The following PLXNA2 variants were observed in gnomAD, a reference collection of about 807,000 sequenced individuals.
PLXNA2 encodes plexin A2.
In PLXNA2, 91 loss-of-function variants were observed where a neutral mutation model predicts 193.5. That is an observed-to-expected ratio of 0.47 (90% CI 0.40 to 0.56). The LOEUF (loss-of-function observed/expected upper bound fraction) is 0.56, where lower values mean the gene tolerates loss of function less well. Ranked by LOEUF, PLXNA2 falls within the 20% of genes least tolerant of loss-of-function variation. The probability of loss-of-function intolerance (pLI) is 0.00; values close to 1 mark genes in which losing one functional copy is unlikely to be tolerated. For missense variants in PLXNA2, 1,995 were observed against 2,503.2 expected (o/e 0.80, Z 4.33); for synonymous variants, 997 against 1,027.3 (o/e 0.97, Z 0.56).
intron 17 of PLXNA2, among the ~76,000 whole-genome samples, chr1:208,047,004 A>T (rs1482987425): frequency 6.6e-6 from 1 of 152,128 alleles, no homozygotes; most frequent in Non-Finnish European, 1.5e-5. Flanking sequence ...TCTGTTGCCC[A>T]GGCTGGAGTG....
At chr1:208,098,687 C>T (rs562384617) in intron 6 of PLXNA2, among the ~76,000 whole-genome samples, 159 bp downstream of exon 6, 31 of 152,300 alleles carry the variant, frequency 2.0e-4, no homozygotes, top group Non-Finnish European at 3.5e-4. Flanking sequence ...ATGCCCTTTA[C>T]AATAGGCATT....
intron 4 of PLXNA2, among the ~76,000 whole-genome samples, chr1:208,120,247 A>C (rs1274530521): frequency 2.4e-4 from 37 of 152,216 alleles, no homozygotes. Context: ...AGCATAACAA[A>C]GATGTGAAAA....
At chr1:208,166,991 A>AG (rs1349503472) in intron 3 of PLXNA2, among the ~76,000 whole-genome samples, 1 of 152,144 alleles carries the variant, frequency 6.6e-6, no homozygotes, top group Non-Finnish European at 1.5e-5. Flanking sequence ...TGAGAGAGGG[A>AG]GTTCCCAAAA....
intron 9 of PLXNA2, among the ~76,000 whole-genome samples, chr1:208,086,570 G>T (rs553945812): frequency 6.6e-6 from 1 of 151,952 alleles, no homozygotes; most frequent in African/African-American, 2.4e-5. Context: ...ACACCGGCAG[G>T]CTCACCAGTG....
rs200206618 is a variant in PLXNA2 at position 208,045,865 on chromosome 1, C to G, written c.3495+13G>C. On this transcript the variant is annotated intron_variant, in intron 18 of 31. Coordinates refer to ENST00000367033, the MANE Select transcript of PLXNA2 (RefSeq NM_025179.4). ...TGCCCCTGGTGGCACTGCCCTCTGGCGGGCACTCCTACCTTCAGAATGATG... is the reference window on the plus strand; with the variant it reads ...TGCCCCTGGTGGCACTGCCCTCTGGGGGGCACTCCTACCTTCAGAATGATG... 6.2e-7 allele frequency: 1 copy of G among 1,613,572 alleles called. No individual in the cohort carries two copies. Among genetic ancestry groups the G allele is most frequent in the East Asian group, 2.2e-5 (1 of 44,882 alleles).
chr1:208,197,778 C>T (rs188208779), intron 3 of PLXNA2, among the ~76,000 whole-genome samples: 8 of 152,308 alleles, frequency 5.3e-5, no homozygotes, highest in Non-Finnish European at 8.8e-5. Context: ...TGACCATGAG[C>T]GACCAACATT....
chr1:208,200,758 C>T (rs1015077738), intron 3 of PLXNA2, among the ~76,000 whole-genome samples: 1 of 151,870 alleles, frequency 6.6e-6, no homozygotes, highest in African/African-American at 2.4e-5. Flanking sequence ...GCCACCAGGC[C>T]CAGCTAATTT....
intron 3 of PLXNA2, among the ~76,000 whole-genome samples, chr1:208,192,381 T>C (rs1213576068): frequency 2.6e-5 from 4 of 152,100 alleles, no homozygotes; most frequent in Non-Finnish European, 5.9e-5. Context: ...GTATGCCTAT[T>C]ACCCAGGGTA....
chr1:208,063,591 A>C (rs1190627783), intron 12 of PLXNA2, among the ~76,000 whole-genome samples: 2 of 152,164 alleles, frequency 1.3e-5, no homozygotes, highest in Admixed American at 1.3e-4. Context: ...CCAGGTCCAC[A>C]GGGCTTGGAA....
chr1:208,226,529 G>A lies in PLXNA2; in HGVS notation c.-80-8527C>T, dbSNP rs566114182. Among the ~76,000 whole-genome samples the A allele has an allele frequency of 6.6e-5, 10 of 152,242 alleles. No homozygotes were observed. In the South Asian group the frequency reaches 2.1e-3, roughly 32 times the overall value. ...TGTGCACTCATCTGAGGGGCTGGCGGGGGCTCTGTTTCTTTCTGGGGCACT... is the reference window on the plus strand; with the variant it reads ...TGTGCACTCATCTGAGGGGCTGGCGAGGGCTCTGTTTCTTTCTGGGGCACT... On this transcript the variant is annotated intron_variant, in intron 1 of 31. Coordinates refer to ENST00000367033, the MANE Select transcript of PLXNA2 (RefSeq NM_025179.4).
chr1:208,101,350 C>A (rs1667091266), intron 5 of PLXNA2, among the ~76,000 whole-genome samples: 1 of 152,180 alleles, frequency 6.6e-6, no homozygotes, highest in Admixed American at 6.5e-5. Context: ...CGCCTGATAC[C>A]AGGCTGCTGC....
At chr1:208,100,266 G>A (rs2102414104) in intron 5 of PLXNA2, among the ~76,000 whole-genome samples, 1 of 152,160 alleles carries the variant, frequency 6.6e-6, no homozygotes, top group Non-Finnish European at 1.5e-5. Context: ...TTACTCAAGA[G>A]GCTGAGTTGG....
At chr1:208,124,624 A>G (rs1212558090) in intron 4 of PLXNA2, among the ~76,000 whole-genome samples, 1 of 144,796 alleles carries the variant, frequency 6.9e-6, no homozygotes, top group African/African-American at 2.5e-5. Context: ...GGTTGCAGTG[A>G]GCCAAGATCA....
intron 3 of PLXNA2, among the ~76,000 whole-genome samples, chr1:208,172,516 C>A (rs1001544391): frequency 6.6e-6 from 1 of 152,188 alleles, no homozygotes; most frequent in South Asian, 2.1e-4. Flanking sequence ...CTGGGGGTCA[C>A]AAGGGTCTGA....
At chr1:208,154,275 T>C (rs985085481) in intron 3 of PLXNA2, among the ~76,000 whole-genome samples, 1 of 152,104 alleles carries the variant, frequency 6.6e-6, no homozygotes, top group Non-Finnish European at 1.5e-5. Flanking sequence ...CACCGCAGAG[T>C]GGGAGGAAGA....
chr1:208,191,382 C>T (rs1670176866), intron 3 of PLXNA2, among the ~76,000 whole-genome samples: 1 of 152,116 alleles, frequency 6.6e-6, no homozygotes, highest in Admixed American at 6.5e-5. Context: ...TTTATATTAG[C>T]TGTTACTATA....
At chr1:208,150,351 G>A (rs1176203281) in intron 3 of PLXNA2, among the ~76,000 whole-genome samples, 1 of 152,082 alleles carries the variant, frequency 6.6e-6, no homozygotes, top group Non-Finnish European at 1.5e-5. Flanking sequence ...TTCAACTAGG[G>A]GTGGGTGGAG....
At chr1:208,084,788 T>A (rs1310695671) in intron 9 of PLXNA2, among the ~76,000 whole-genome samples, 1 of 152,230 alleles carries the variant, frequency 6.6e-6, no homozygotes, top group Non-Finnish European at 1.5e-5. Context: ...TTGTCCTGTA[T>A]CTGCTGTGTG....
chr1:208,153,325 G>C (rs1307252824), intron 3 of PLXNA2, among the ~76,000 whole-genome samples: 1 of 152,178 alleles, frequency 6.6e-6, no homozygotes, highest in Non-Finnish European at 1.5e-5. Flanking sequence ...GTAGGGTGAG[G>C]TAACTTCCCC....
Sources: allele counts gnomAD v4.1 joint callset (sites outside exome capture counted in the v4.1 genomes callset), GRCh38; gene constraint gnomAD v4.1.1; transcripts MANE v1.5; gene names NCBI Gene and HGNC (gene_info 2026-07-23, HGNC 2026-07-21).